Variants in BTBD9 observed in about 807,000 individuals in gnomAD.
BTBD9 encodes BTB/POZ domain-containing protein 9.
In BTBD9, 49 loss-of-function variants were observed where a neutral mutation model predicts 64.3. The observed-to-expected ratio is 0.76, with a 90% CI of 0.61 to 0.97. The LOEUF is 0.97. Among genes scored for constraint, BTBD9 ranks in the 50% least tolerant of loss-of-function variants. BTBD9 has a pLI of 0.00. For synonymous variants in BTBD9, 260 were observed against 274.7 expected, an observed-to-expected ratio of 0.95 and a Z score of 0.53; for missense variants, 598 against 762.1, an observed-to-expected ratio of 0.78 and a Z score of 2.53.
chr6:38,436,936 T>C (rs547959272), intron 6 of BTBD9, among the ~76,000 whole-genome samples: 1 of 152,326 alleles, frequency 6.6e-6, no homozygotes, highest in African/African-American at 2.4e-5. Context: ...TAGGAATATG[T>C]ATATGTGTAC....
Position 38,560,419 on chromosome 6 carries a change from C to T in BTBD9, c.1154+17181G>A, listed in dbSNP as rs116477675. On this transcript the variant is annotated intron_variant, in intron 6 of 10. Transcript: ENST00000481247. ...CTATTATTTTTGACTTGTCAGAAAT[C>T]GATAAAATGTTTTATTTGTATATAT... Among the ~76,000 whole-genome samples the T allele has an allele frequency of 8.9e-3, 1,356 of 151,932 alleles. 18 individuals carry two copies. The highest frequency in any genetic ancestry group is 0.031 in the African/African-American group (1,291 of 41,448).
intron 9 of BTBD9, among the ~76,000 whole-genome samples, chr6:38,253,455 C>G (rs1180994749): frequency 1.3e-5 from 2 of 152,192 alleles, no homozygotes; most frequent in African/African-American, 4.8e-5. Flanking sequence ...TCACCTCCCT[C>G]AACACATGGG....
At chr6:38,431,724 T>C (rs1768452268) in intron 6 of BTBD9, among the ~76,000 whole-genome samples, 1 of 151,812 alleles carries the variant, frequency 6.6e-6, no homozygotes, top group South Asian at 2.1e-4. Context: ...TCCTCTAGAC[T>C]GATAAATGAA....
intron 9 of BTBD9, among the ~76,000 whole-genome samples, chr6:38,227,960 TG>T (rs1763456318): frequency 2.0e-5 from 3 of 152,104 alleles, no homozygotes; most frequent in Admixed American, 6.6e-5. Context: ...AGGTTGGTAC[TG>T]GAGAGTTGGG....
chr6:38,270,228 C>A (rs1765153485), intron 8 of BTBD9, among the ~76,000 whole-genome samples: 1 of 152,066 alleles, frequency 6.6e-6, no homozygotes, highest in Non-Finnish European at 1.5e-5. Flanking sequence ...TTTTGCTGGA[C>A]CCCTTTTAAC....
chr6:38,436,363 C>T (rs901533806), intron 6 of BTBD9, among the ~76,000 whole-genome samples: 7 of 146,604 alleles, frequency 4.8e-5, no homozygotes, highest in Non-Finnish European at 1.0e-4. Context: ...TAATATCTAC[C>T]CCAATTCTAT....
chr6:38,250,553 A>C (rs1448264418), intron 9 of BTBD9, among the ~76,000 whole-genome samples: 1 of 152,196 alleles, frequency 6.6e-6, no homozygotes, highest in Non-Finnish European at 1.5e-5. Flanking sequence ...TATTTTAATG[A>C]GTTCTTAGTG....
At chr6:38,196,914 A>G (rs1265008348) in intron 9 of BTBD9, among the ~76,000 whole-genome samples, 1 of 152,242 alleles carries the variant, frequency 6.6e-6, no homozygotes, top group Non-Finnish European at 1.5e-5. Flanking sequence ...TGTATATGTG[A>G]AAGAGGCAAA....
chr6:38,628,152 A>C (rs1778233438), intron 1 of BTBD9, among the ~76,000 whole-genome samples: 1 of 152,188 alleles, frequency 6.6e-6, no homozygotes, highest in Non-Finnish European at 1.5e-5. Flanking sequence ...GAATAACTTC[A>C]ACTTTTGGAA....
intron 6 of BTBD9, among the ~76,000 whole-genome samples, chr6:38,422,871 G>A (rs1020559663): frequency 2.0e-5 from 3 of 152,036 alleles, no homozygotes; most frequent in African/African-American, 7.3e-5. Context: ...AGGCTGAGAC[G>A]GGAGGACTGC....
At chr6:38,555,742 A>T (rs1774984606) in intron 6 of BTBD9, among the ~76,000 whole-genome samples, 1 of 152,118 alleles carries the variant, frequency 6.6e-6, no homozygotes, top group Non-Finnish European at 1.5e-5. Flanking sequence ...TCTCTTTCTC[A>T]ATTATTCACT....
At chr6:38,237,568 G>A (rs1388004591) in intron 9 of BTBD9, among the ~76,000 whole-genome samples, 1 of 152,150 alleles carries the variant, frequency 6.6e-6, no homozygotes. Context: ...AAAATCAACA[G>A]TTTCTGGTCT....
At chr6:38,362,584 G>C (rs575615187) in intron 6 of BTBD9, among the ~76,000 whole-genome samples, 64 of 152,256 alleles carry the variant, frequency 4.2e-4, no homozygotes, top group African/African-American at 1.5e-3. Context: ...TTTCCCAGTG[G>C]TATAGAGTAT....
intron 9 of BTBD9, among the ~76,000 whole-genome samples, chr6:38,249,784 C>T (rs980527309): frequency 1.3e-5 from 2 of 148,334 alleles, no homozygotes; most frequent in African/African-American, 5.0e-5. Flanking sequence ...GTATATAAGA[C>T]TCAAGGAAAA....
intron 9 of BTBD9, chr6:38,193,961 A>G (rs902910017): frequency 1.1e-6 from 1 of 897,298 alleles, no homozygotes; most frequent in African/African-American, 1.8e-5. Flanking sequence ...TGCCCCTGAA[A>G]CCAGTGTTCT....
intron 6 of BTBD9, among the ~76,000 whole-genome samples, chr6:38,409,908 T>TA (rs1291899746): frequency 1.3e-5 from 2 of 152,104 alleles, no homozygotes; most frequent in African/African-American, 2.4e-5. Context: ...TTCCTGAGTA[T>TA]AAAACCAAAA....
intron 6 of BTBD9, among the ~76,000 whole-genome samples, chr6:38,505,917 AT>A (rs1198378334): frequency 7.6e-6 from 1 of 131,852 alleles, no homozygotes; most frequent in Non-Finnish European, 1.6e-5. Flanking sequence ...GTGAGCTGAG[AT>A]TGTGCCACCG....
At chr6:38,227,897 C>T (rs1378151293) in intron 9 of BTBD9, among the ~76,000 whole-genome samples, 1 of 152,152 alleles carries the variant, frequency 6.6e-6, no homozygotes, top group African/African-American at 2.4e-5. Context: ...ACTTACATGA[C>T]ATTCTGGAAA....
At chr6:38,512,855 T>G (rs1262475558) in intron 6 of BTBD9, among the ~76,000 whole-genome samples, 1 of 152,238 alleles carries the variant, frequency 6.6e-6, no homozygotes, top group African/African-American at 2.4e-5. Context: ...TCCATATAGC[T>G]TAATGCTAAA....
Sources: allele counts gnomAD v4.1 joint callset (sites outside exome capture counted in the v4.1 genomes callset), GRCh38; gene constraint gnomAD v4.1.1; transcripts MANE v1.5; gene names NCBI Gene and HGNC (gene_info 2026-07-23, HGNC 2026-07-21).